The following ASAP2 variants were observed in gnomAD, a reference collection of about 807,000 sequenced individuals.
ASAP2 encodes ArfGAP with SH3 domain, ankyrin repeat and PH domain 2, also known as arf-GAP with SH3 domain, ANK repeat and PH domain-containing protein 2.
A neutral mutation model predicts 131.4 loss-of-function variants in ASAP2; 45 were observed. The observed-to-expected ratio is 0.34, with a 90% CI of 0.27 to 0.44. The LOEUF (loss-of-function observed/expected upper bound fraction) is 0.44. ASAP2 is among the 20% of genes least tolerant of loss of function. The pLI, the probability that ASAP2 is intolerant of heterozygous loss-of-function variation, is 1.00. For missense variants in ASAP2, 1,011 were observed against 1,297.0 expected, an observed-to-expected ratio of 0.78 and a Z score of 3.39; for synonymous variants, 510 against 503.0, an observed-to-expected ratio of 1.01 and a Z score of -0.19.
chr2:9,373,301 G>T (rs530513049), intron 16 of ASAP2, among the ~76,000 whole-genome samples: 2 of 152,328 alleles, frequency 1.3e-5, no homozygotes, highest in South Asian at 2.1e-4. Context: ...GGTGGAACGG[G>T]CACCCTGGGG....
intron 2 of ASAP2, among the ~76,000 whole-genome samples, chr2:9,296,330 C>G (rs751260336): frequency 3.9e-5 from 6 of 152,184 alleles, no homozygotes; most frequent in Non-Finnish European, 8.8e-5. Context: ...GTGTCCCCTC[C>G]CCCATTCCTA....
At chr2:9,380,999 C>A (rs1468227124) in intron 20 of ASAP2, among the ~76,000 whole-genome samples, 191 bp downstream of exon 20, 1 of 152,176 alleles carries the variant, frequency 6.6e-6, no homozygotes, top group African/African-American at 2.4e-5. Flanking sequence ...CCTAGGGGGA[C>A]CCACCCCTCG....
Position 9,371,707 on chromosome 2 carries a change from T to G in ASAP2, c.1557-3048T>G, listed in dbSNP as rs1007954453. Among the ~76,000 whole-genome samples, 4 of 152,128 alleles carry G rather than the reference T, an allele frequency of 2.6e-5. No homozygotes were observed. The East Asian group carries it at 7.7e-4, about 29-fold the overall frequency. ...CACAGGAGCCAGAACTGTTTCTCCC[T>G]GTGACTTGGGACCATTATACACACC... On this transcript the variant is annotated intron_variant, in intron 16 of 27. Coordinates refer to ENST00000281419, the MANE Select transcript of ASAP2 (RefSeq NM_003887.3).
chr2:9,282,958 T>A (rs2148327957), intron 2 of ASAP2, among the ~76,000 whole-genome samples: 1 of 152,266 alleles, frequency 6.6e-6, no homozygotes, highest in East Asian at 1.9e-4. Flanking sequence ...GTAAACGGAC[T>A]CCCCCATCCC....
intron 27 of ASAP2, 55 bp from the exon 28 acceptor site, chr2:9,403,198 A>G (rs1676900564): frequency 6.5e-7 from 1 of 1,535,252 alleles, no homozygotes; most frequent in Non-Finnish European, 9.0e-7. Context: ...TGCTCTTCAA[A>G]GTTTCCACCA....
chr2:9,214,008 G>A lies in ASAP2; in HGVS notation c.126+6778G>A, dbSNP rs377003709. Among the ~76,000 whole-genome samples the A allele has an allele frequency of 3.2e-4, 48 of 152,286 alleles. No individual in the cohort carries two copies. In the South Asian group the frequency reaches 5.8e-3, roughly 18 times the overall value. On this transcript the variant is annotated intron_variant, in intron 1 of 27. Transcript: ENST00000281419. ...CTGAGACTGAGGGATCTGCTCATGC[G>A]ACCCTCTGCTGTTTCTATGCAGACT...
Position 9,327,885 on chromosome 2 carries a change from G to T in ASAP2, c.660G>T (p.Leu220=). ...IKKGVDLLQN[L]IKYFHAQCNF... The stretch of plus-strand genomic sequence containing the variant: ...AGGGAGTAGATTTACTTCAGAATCT[G>T]ATCAAATACTTTCATGCCCAATGCA... Residue 220 remains leucine (L), a synonymous_variant, in exon 7 of 28, where the codon CTG becomes CTT. Coordinates refer to ENST00000281419, the MANE Select transcript of ASAP2 (RefSeq NM_003887.3). The T allele has an allele frequency of 6.3e-7, 1 of 1,583,490 alleles. No homozygotes were observed. Among genetic ancestry groups the T allele is most frequent in the Non-Finnish European group, 8.5e-7 (1 of 1,169,906 alleles).
intron 3 of ASAP2, among the ~76,000 whole-genome samples, chr2:9,308,937 T>C (rs1175716972): frequency 6.6e-6 from 1 of 152,200 alleles, no homozygotes. Context: ...TCTGCCTGGA[T>C]ACCCGTTCTT....
rs997599172 is a variant in ASAP2, at chr2:9,395,406, C to T, written c.2684+1759C>T. 5.3e-5 allele frequency among the ~76,000 whole-genome samples: 8 copies of T among 151,876 alleles called. No individual in the cohort carries two copies. The South Asian group carries it at 6.3e-4, about 12-fold the overall frequency. Reference sequence around the variant, plus strand: ...AGGAGAATCCCTTGAACCCAGGAGGCGGAGGTTGCAGGGAGCTGAGATCAC... The same window carrying T: ...AGGAGAATCCCTTGAACCCAGGAGGTGGAGGTTGCAGGGAGCTGAGATCAC... On this transcript the variant is annotated intron_variant, in intron 24 of 27. Transcript: ENST00000281419.
intron 2 of ASAP2, among the ~76,000 whole-genome samples, chr2:9,288,019 G>A (rs978911110): frequency 4.6e-5 from 7 of 152,186 alleles, no homozygotes; most frequent in African/African-American, 1.7e-4. Flanking sequence ...GCATGCATCT[G>A]TAAGACATGG....
intron 24 of ASAP2, among the ~76,000 whole-genome samples, chr2:9,397,514 G>A (rs541389018): frequency 1.3e-4 from 20 of 151,928 alleles, no homozygotes; most frequent in East Asian, 9.7e-4. Context: ...ACACCGGTAC[G>A]CCCTCCTTGT....
intron 20 of ASAP2, among the ~76,000 whole-genome samples, chr2:9,382,487 C>T (rs1014826054): frequency 1.3e-5 from 2 of 152,212 alleles, no homozygotes; most frequent in African/African-American, 2.4e-5. Context: ...ACATGTAGAA[C>T]GGAACTAGCT....
chr2:9,283,995 C>T (rs1375947403), intron 2 of ASAP2, among the ~76,000 whole-genome samples: 1 of 152,192 alleles, frequency 6.6e-6, no homozygotes, highest in Non-Finnish European at 1.5e-5. Context: ...AATTCAGTCC[C>T]ATAGCAAACA....
intron 1 of ASAP2, among the ~76,000 whole-genome samples, chr2:9,252,086 G>T (rs928535570): frequency 6.6e-5 from 10 of 152,228 alleles, no homozygotes; most frequent in African/African-American, 2.4e-4. Context: ...GCTGGAAGGA[G>T]AGCCTTCGTG....
chr2:9,350,630 A>G lies in ASAP2; in HGVS notation c.1024-178A>G, dbSNP rs1314195421. 1.2e-5 allele frequency: 6 copies of G among 512,214 alleles called. No individual in the cohort carries two copies. In the Admixed American group the frequency reaches 2.0e-4, roughly 17 times the overall value. The allele number at this position is 512,214 out of a possible 1,614,324, so 31.7% of individuals were successfully genotyped here. On this transcript the variant is annotated intron_variant, in intron 11 of 27. Transcript: ENST00000281419. ...AGGCAGTTGCCCTCTGTGGAGATGA[A>G]GTTCAAAGGCCTCTGTAACTTGTCC...
chr2:9,222,005 G>A (rs906736518), intron 1 of ASAP2, among the ~76,000 whole-genome samples: 2 of 151,758 alleles, frequency 1.3e-5, no homozygotes, highest in East Asian at 3.9e-4. Flanking sequence ...TTTCACCATG[G>A]TCTTGATCTC....
In ASAP2 at chr2:9,268,678, C is replaced by A. The variant is rs979794367; in HGVS notation, c.127-10639C>A. ...TCTGACTCTTCTTGGCAAAGCCACCCTGGGGGCACGGACCTGGGTGTGTTT... is the reference window on the plus strand; with the variant it reads ...TCTGACTCTTCTTGGCAAAGCCACCATGGGGGCACGGACCTGGGTGTGTTT... On this transcript the variant is annotated intron_variant, in intron 1 of 27. Transcript: ENST00000281419. This position sits in a 1 kb window ranked among gnomAD's most constrained non-coding sequence, Gnocchi z 4.1. Among the ~76,000 whole-genome samples, 1 of 152,240 alleles carries A rather than the reference C, an allele frequency of 6.6e-6. No homozygotes were observed. Among genetic ancestry groups the A allele is most frequent in the African/African-American group, 2.4e-5 (1 of 41,462 alleles).
intron 2 of ASAP2, among the ~76,000 whole-genome samples, chr2:9,282,813 C>T (rs1037314541): frequency 3.3e-5 from 5 of 152,212 alleles, no homozygotes; most frequent in African/African-American, 1.2e-4. Context: ...TGCCTGCTTT[C>T]CTGATTTGTC....
rs545763240 is a variant in ASAP2, at chr2:9,389,328, C to CG, written c.2383+788dup. 1.5e-3 allele frequency among the ~76,000 whole-genome samples: 221 copies of CG among 152,200 alleles called. No homozygotes were observed. The highest frequency in any genetic ancestry group is 5.0e-3 in the African/African-American group (208 of 41,538). ...AGGCTGCTGAGACTTTGATGCGGGG[C>CG]GGGGGGCCCAGGAAGGACAAGAGTC... On this transcript the variant is annotated intron_variant, in intron 22 of 27. Coordinates refer to ENST00000281419, the MANE Select transcript of ASAP2 (RefSeq NM_003887.3). This position sits in a 1 kb window ranked among gnomAD's most constrained non-coding sequence, Gnocchi z 4.7.
Sources: allele counts gnomAD v4.1 joint callset (sites outside exome capture counted in the v4.1 genomes callset), GRCh38; gene constraint gnomAD v4.1.1; non-coding constraint Gnocchi (gnomAD v3.1); transcripts MANE v1.5; gene names NCBI Gene and HGNC (gene_info 2026-07-23, HGNC 2026-07-21).